The following ATP8B4 variants were observed in gnomAD, a reference collection of about 807,000 sequenced individuals.
ATP8B4 encodes the protein probable phospholipid-transporting ATPase IM.
Under a neutral mutation model 145.6 loss-of-function variants are expected in ATP8B4, and 133 were observed. The observed-to-expected ratio is 0.91, with a 90% CI of 0.79 to 1.05. The LOEUF is 1.05. ATP8B4 is among the 50% of genes least tolerant of loss of function. The pLI is 0.00. For missense variants in ATP8B4, 1,458 were observed against 1,425.2 expected, an observed-to-expected ratio of 1.02 and a Z score of -0.37; for synonymous variants, 507 against 492.9, an observed-to-expected ratio of 1.03 and a Z score of -0.38.
chr15:49,990,352 T>C (rs1412316633), intron 9 of ATP8B4, among the ~76,000 whole-genome samples: 2 of 152,180 alleles, frequency 1.3e-5, no homozygotes, highest in Non-Finnish European at 2.9e-5. Context: ...ATTTCTCACA[T>C]AGTCATTTAC....
intron 9 of ATP8B4, among the ~76,000 whole-genome samples, chr15:49,995,254 C>T (rs142617946): frequency 3.3e-5 from 5 of 152,058 alleles, no homozygotes; most frequent in East Asian, 1.9e-4. Flanking sequence ...TAAATTCTGC[C>T]GGGAAAGAAA....
chr15:49,873,452 G>A (rs746438777), intron 25 of ATP8B4, among the ~76,000 whole-genome samples: 2 of 152,044 alleles, frequency 1.3e-5, no homozygotes, highest in African/African-American at 2.4e-5. Flanking sequence ...CCATTAAAAG[G>A]GATATTTCAA....
At chr15:49,941,419 C>T (rs1027546674) in intron 14 of ATP8B4, among the ~76,000 whole-genome samples, 2 of 152,094 alleles carry the variant, frequency 1.3e-5, no homozygotes, top group Non-Finnish European at 2.9e-5. Flanking sequence ...TGCAAGGTAA[C>T]ACCTAATCAC....
chr15:50,010,647 T>C (rs943358693), intron 7 of ATP8B4, among the ~76,000 whole-genome samples, 198 bp downstream of exon 7: 2 of 152,126 alleles, frequency 1.3e-5, no homozygotes, highest in Admixed American at 1.3e-4. Context: ...TCATTCAACC[T>C]TATGTGAGTT....
At chr15:49,950,611 C>CAAAAA (rs1316878072) in intron 14 of ATP8B4, among the ~76,000 whole-genome samples, 11 of 107,168 alleles carry the variant, frequency 1.0e-4, no homozygotes, top group South Asian at 5.4e-4. Flanking sequence ...AACAAACAAA[C>CAAAAA]AAACAAACAA....
chr15:50,067,835 C>A (rs2053483094), intron 3 of ATP8B4, among the ~76,000 whole-genome samples: 1 of 152,082 alleles, frequency 6.6e-6, no homozygotes, highest in Non-Finnish European at 1.5e-5. Flanking sequence ...GCTTTATATG[C>A]TTTTTGTACA....
chr15:50,111,992 C>A (rs533285225), intron 1 of ATP8B4, among the ~76,000 whole-genome samples: 4 of 152,096 alleles, frequency 2.6e-5, no homozygotes, highest in South Asian at 2.1e-4. Flanking sequence ...AATTGTGAGA[C>A]CTGGTCTCTA....
chr15:50,135,457 C>T (rs949077160), intron 1 of ATP8B4, among the ~76,000 whole-genome samples: 18 of 152,182 alleles, frequency 1.2e-4, no homozygotes, highest in African/African-American at 4.3e-4. Flanking sequence ...GCGGGAATTG[C>T]TTGAGCTATA....
chr15:50,033,097 C>A (rs113190915), intron 6 of ATP8B4, among the ~76,000 whole-genome samples: 277 of 152,264 alleles, frequency 1.8e-3, no homozygotes, highest in African/African-American at 6.4e-3. Flanking sequence ...TCTAGAAACA[C>A]CAGACTTGGA....
At chr15:50,030,874 A>C (rs866347569) in intron 6 of ATP8B4, among the ~76,000 whole-genome samples, 1 of 152,348 alleles carries the variant, frequency 6.6e-6, no homozygotes, top group Middle Eastern at 3.4e-3. Flanking sequence ...TCAACCCTTA[A>C]GAAATTGTAT....
intron 20 of ATP8B4, among the ~76,000 whole-genome samples, chr15:49,905,343 C>T (rs2038488723): frequency 6.6e-6 from 1 of 152,076 alleles, no homozygotes; most frequent in Non-Finnish European, 1.5e-5. Flanking sequence ...AAATGAACTC[C>T]CACTGAACTC....
At chr15:49,981,489 G>A (rs2046153259) in intron 10 of ATP8B4, among the ~76,000 whole-genome samples, 195 bp from the exon 11 acceptor site, 1 of 152,148 alleles carries the variant, frequency 6.6e-6, no homozygotes. Flanking sequence ...AGCTGCAAGA[G>A]ATGTGATCTT....
intron 13 of ATP8B4, among the ~76,000 whole-genome samples, chr15:49,964,148 T>C (rs1263938581): frequency 1.3e-5 from 2 of 152,190 alleles, no homozygotes; most frequent in Non-Finnish European, 2.9e-5. Flanking sequence ...AGCAGTTCTA[T>C]TTGTTGTTTC....
intron 6 of ATP8B4, among the ~76,000 whole-genome samples, chr15:50,021,908 T>A (rs1780257052): frequency 6.6e-6 from 1 of 152,176 alleles, no homozygotes; most frequent in Admixed American, 6.5e-5. Flanking sequence ...GCATAGCATA[T>A]TTAGTTCTAG....
chr15:50,047,218 A>T (rs967261657), intron 4 of ATP8B4, 133 bp downstream of exon 4: 2 of 621,028 alleles, frequency 3.2e-6, no homozygotes, highest in Non-Finnish European at 5.6e-6. Context: ...AACAGCAACA[A>T]CAAGATTAAA....
chr15:49,951,578 G>T (rs2043107151), intron 14 of ATP8B4, among the ~76,000 whole-genome samples: 1 of 151,706 alleles, frequency 6.6e-6, no homozygotes, highest in South Asian at 2.1e-4. Context: ...TGTATTTGGA[G>T]CCTGTTTCTT....
intron 12 of ATP8B4, 49 bp downstream of exon 12, chr15:49,979,568 C>T (rs769814786): frequency 7.5e-7 from 1 of 1,338,170 alleles, no homozygotes; most frequent in Non-Finnish European, 9.9e-7. Context: ...ATATTGGAAA[C>T]AAAGGTTTTG....
intron 1 of ATP8B4, among the ~76,000 whole-genome samples, chr15:50,162,296 T>C (rs2044531871): frequency 6.6e-6 from 1 of 151,164 alleles, no homozygotes; most frequent in South Asian, 2.1e-4. Context: ...AACCTTCTTA[T>C]ACTTTATTAA....
intron 25 of ATP8B4, among the ~76,000 whole-genome samples, chr15:49,872,354 T>C (rs1200280141): frequency 1.3e-5 from 2 of 152,150 alleles, no homozygotes; most frequent in Non-Finnish European, 2.9e-5. Flanking sequence ...CACTAATTCT[T>C]TGATACTCCT....
Sources: allele counts gnomAD v4.1 joint callset (sites outside exome capture counted in the v4.1 genomes callset), GRCh38; gene constraint gnomAD v4.1.1; transcripts MANE v1.5; gene names NCBI Gene and HGNC (gene_info 2026-07-23, HGNC 2026-07-21).